LRIG1: variants seen among roughly 807,000 people sequenced by gnomAD.
LRIG1 encodes leucine-rich repeats and immunoglobulin-like domains protein 1.
LRIG1 carries 48 observed loss-of-function variants against 99.2 expected under a neutral mutation model. The ratio of observed to expected loss-of-function variants is 0.48; its 90% CI spans 0.38 to 0.62. The LOEUF (loss-of-function observed/expected upper bound fraction) is 0.62, where lower values mean the gene tolerates loss of function less well. Ranked by LOEUF, LRIG1 falls within the 20% of genes least tolerant of loss-of-function variation. LRIG1 has a pLI of 0.00. For missense variants in LRIG1, 1,646 were observed against 1,434.4 expected, an observed-to-expected ratio of 1.15 and a Z score of -2.38; for synonymous variants, 772 against 596.1, an observed-to-expected ratio of 1.29 and a Z score of -4.30.
At chr3:66,382,440 A>T in intron 15 of LRIG1, 42 bp from the exon 16 acceptor site, 1 of 1,612,990 alleles carries the variant, frequency 6.2e-7, no homozygotes, top group South Asian at 1.1e-5. Context: ...GGTCTCAGTG[A>T]CAAGAAATGC....
At chr3:66,387,083 C>G (rs564122942) in intron 12 of LRIG1, 2 of 147,418 alleles carry the variant, frequency 1.4e-5, no homozygotes, top group East Asian at 2.0e-4. Context: ...TCTAGTTTGC[C>G]GAGCAGGAGA....
intron 1 of LRIG1, among the ~76,000 whole-genome samples, chr3:66,467,399 C>T (rs1292886581): frequency 2.2e-5 from 3 of 139,464 alleles, no homozygotes; most frequent in South Asian, 4.4e-4. Flanking sequence ...CTCGCTCTGT[C>T]GCCCAGGCTG....
At chr3:66,389,624 C>T (rs970402105) in intron 12 of LRIG1, among the ~76,000 whole-genome samples, 10 of 152,160 alleles carry the variant, frequency 6.6e-5, no homozygotes, top group South Asian at 4.1e-4. Flanking sequence ...ATCAGAAACA[C>T]GTAAAAATGA....
intron 2 of LRIG1, among the ~76,000 whole-genome samples, chr3:66,457,495 T>A (rs2106824916): frequency 1.3e-5 from 2 of 152,312 alleles, no homozygotes; most frequent in East Asian, 3.9e-4. Flanking sequence ...GATTCATTTC[T>A]AAACAATGCA....
intron 13 of LRIG1, 107 bp downstream of exon 13, chr3:66,385,874 G>A (rs1701345917): frequency 9.7e-7 from 1 of 1,028,116 alleles, no homozygotes; most frequent in Non-Finnish European, 1.5e-6. Context: ...CCCCACAGAA[G>A]CATGTGTGTG....
intron 12 of LRIG1, among the ~76,000 whole-genome samples, chr3:66,391,093 A>C (rs1202832751): frequency 6.6e-6 from 1 of 152,198 alleles, no homozygotes; most frequent in African/African-American, 2.4e-5. Context: ...GGGAAGTGCA[A>C]ATCAAAACCA....
At chr3:66,446,298 C>T (rs942593500) in intron 3 of LRIG1, among the ~76,000 whole-genome samples, 11 of 152,048 alleles carry the variant, frequency 7.2e-5, no homozygotes, top group Non-Finnish European at 8.8e-5. Flanking sequence ...ACCACCTCCC[C>T]GCTTGGTCAC....
chr3:66,380,529 C>A (rs754550332), intron 18 of LRIG1, 40 bp from the exon 19 acceptor site: 10 of 1,613,458 alleles, frequency 6.2e-6, no homozygotes, highest in African/African-American at 4.0e-5. Context: ...CCCACTTGAC[C>A]GTTTAAGCAG....
intron 9 of LRIG1, among the ~76,000 whole-genome samples, chr3:66,399,344 T>C (rs1432952935): frequency 6.6e-6 from 1 of 152,226 alleles, no homozygotes; most frequent in Non-Finnish European, 1.5e-5. Flanking sequence ...AGAAATCACC[T>C]TGTCTGGCCC....
At chr3:66,414,510 T>C (rs1450209544) in intron 5 of LRIG1, among the ~76,000 whole-genome samples, 1 of 152,172 alleles carries the variant, frequency 6.6e-6, no homozygotes, top group Non-Finnish European at 1.5e-5. Context: ...CTACACTAAC[T>C]TCCTCTCAAA....
intron 3 of LRIG1, among the ~76,000 whole-genome samples, chr3:66,434,216 A>T (rs1277183386): frequency 6.6e-6 from 1 of 152,228 alleles, no homozygotes; most frequent in Non-Finnish European, 1.5e-5. Flanking sequence ...CAGAATATAT[A>T]TCCAGACTAT....
rs267599926 is a variant in LRIG1 at position 66,380,304 on chromosome 3, C to T, written c.3241G>A (p.Gly1081Arg). 2.3e-5 allele frequency: 37 copies of T among 1,613,864 alleles called. No homozygotes were observed. Among genetic ancestry groups the T allele is most frequent in the South Asian group, 1.2e-4 (11 of 91,046 alleles). Residue 1081 changes from glycine to arginine, a missense_variant, in exon 19 of 19, where the codon GGG becomes AGG. Transcript: ENST00000273261. ...AACAGCAGTGGCACCCTCTGTTTCC[C>T]GGGGAGCTGTCCTGTCAGTGGCGTG... ...ESTPLTGQLP[G>R]KQRVPLLLAP...
At position 66,429,053 on chromosome 3, in the gene LRIG1, G is replaced by A. The variant is rs567337292; in HGVS notation, c.366-11787C>T. ...CCAGGCAGGGTCAACCTCTCCAAAG[G>A]CAGGACTGGGCTGTGTCAACCAACC... On this transcript the variant is annotated intron_variant, in intron 3 of 18. Coordinates refer to ENST00000273261, the MANE Select transcript of LRIG1 (RefSeq NM_015541.3). Among the ~76,000 whole-genome samples, 3 of 152,336 alleles carry A rather than the reference G, an allele frequency of 2.0e-5. No individual in the cohort carries two copies. In the South Asian group the frequency reaches 6.2e-4, roughly 32 times the overall value.
chr3:66,380,049 T>C lies in LRIG1; in HGVS notation c.*214A>G. 1 of 476,516 alleles carries C rather than the reference T, an allele frequency of 2.1e-6. No individual in the cohort carries two copies. Among genetic ancestry groups the C allele is most frequent in the Non-Finnish European group, 3.7e-6 (1 of 268,182 alleles). 29.5% of individuals were successfully genotyped at this position (476,516 alleles called of 1,614,324 possible). On this transcript the variant is annotated 3_prime_UTR_variant, in exon 19 of 19. Transcript: ENST00000273261. ...TATGAAATCTCTGAAAACTCTTATG[T>C]ACAATGATATCAAATACTTTTTTTG...
chr3:66,380,514 A>G (rs960380191), intron 18 of LRIG1, 25 bp from the exon 19 acceptor site: 1 of 1,614,088 alleles, frequency 6.2e-7, no homozygotes, highest in Non-Finnish European at 8.5e-7. Flanking sequence ...CGAACCTGTC[A>G]GACCCCCACT....
intron 17 of LRIG1, 36 bp from the exon 18 acceptor site, chr3:66,380,897 G>C: frequency 6.2e-7 from 1 of 1,601,376 alleles, no homozygotes; most frequent in Non-Finnish European, 8.5e-7. Context: ...TAGAGTCACT[G>C]CTGTGGGAGT....
intron 1 of LRIG1, among the ~76,000 whole-genome samples, chr3:66,490,666 A>G (rs1054903762): frequency 1.3e-5 from 2 of 152,144 alleles, no homozygotes; most frequent in Middle Eastern, 3.4e-3. Flanking sequence ...AATGCATTGG[A>G]GCGTGCTTCC....
At chr3:66,494,008 G>A (rs75828388) in intron 1 of LRIG1, among the ~76,000 whole-genome samples, 6,665 of 150,900 alleles carry the variant, frequency 0.044, 508 homozygotes, top group African/African-American at 0.15. Context: ...GGAAGGGAGT[G>A]GGGGAGGGAA....
intron 6 of LRIG1, among the ~76,000 whole-genome samples, chr3:66,411,617 C>T (rs1177449675): frequency 6.6e-6 from 1 of 152,154 alleles, no homozygotes; most frequent in East Asian, 1.9e-4. Flanking sequence ...GCTGGTCATG[C>T]AGAGACGGTT....
Sources: allele counts gnomAD v4.1 joint callset (sites outside exome capture counted in the v4.1 genomes callset), GRCh38; gene constraint gnomAD v4.1.1; transcripts MANE v1.5; gene names NCBI Gene and HGNC (gene_info 2026-07-23, HGNC 2026-07-21).